Variants in LILRB2 observed in about 807,000 individuals in gnomAD.
LILRB2 encodes leukocyte immunoglobulin-like receptor subfamily B member 2.
A neutral mutation model predicts 72.7 loss-of-function variants in LILRB2; 47 were observed. That is an observed-to-expected ratio of 0.65 (90% CI 0.51 to 0.82). The LOEUF (loss-of-function observed/expected upper bound fraction) is 0.82, where lower values mean the gene tolerates loss of function less well. LILRB2 is among the 40% of genes least tolerant of loss of function. LILRB2 has a pLI of 0.00. For synonymous variants in LILRB2, 279 were observed against 313.7 expected (o/e 0.89, Z 1.17); for missense variants, 767 against 764.8 (o/e 1.00, Z -0.03).
rs2080131098 is a variant in LILRB2, at chr19:54,274,663, G to C, written c.*20C>G. 1 of 1,614,000 alleles carries C rather than the reference G, an allele frequency of 6.2e-7. No individual in the cohort carries two copies. On this transcript the variant is annotated 3_prime_UTR_variant, in exon 14 of 14. Transcript: ENST00000314446. ...CCTGAGTCTCCTTCTACTGAGTGTG[G>C]AGTCTGCGTACCCTCCGGGCTAGTG...
rs2080211915 is a variant in LILRB2, at chr19:54,276,169, C to T, written c.1594+95G>A. 31 of 1,594,290 alleles carry T rather than the reference C, an allele frequency of 1.9e-5. No homozygotes were observed. In the South Asian group the frequency reaches 3.0e-4, roughly 15 times the overall value. On this transcript the variant is annotated intron_variant, in intron 12 of 13. Transcript: ENST00000314446. The stretch of plus-strand genomic sequence containing the variant: ...GGTGAGATGATCTCACCCTGAGCCC[C>T]AGACCCTTTCCAGCCGGTGCCCCTT...
rs1478144892 is a variant in LILRB2, at chr19:54,280,268, C to G, written c.66G>C (p.Gln22His). ...GAGAGCTGGGGACAGACTCACCTGTCTGCACGCGGGTCCTGGGGCCCAGAC... is the reference window on the plus strand; with the variant it reads ...GAGAGCTGGGGACAGACTCACCTGTGTGCACGCGGGTCCTGGGGCCCAGAC... ...GLSLGPRTRV[Q>H]TGTIPKPTLW... The change falls in exon 3 of 14, where the codon CAG becomes CAC. Residue 22 changes from glutamine (Q) to histidine (H), a missense_variant. By Grantham distance (24) the Gln-to-His change is conservative (BLOSUM62 0). Transcript: ENST00000314446. The G allele has an allele frequency of 6.2e-7, 1 of 1,614,034 alleles. No individual in the cohort carries two copies. Among genetic ancestry groups the G allele is most frequent in the Non-Finnish European group, 8.5e-7 (1 of 1,179,994 alleles).
Position 54,277,951 on chromosome 19 carries a change from A to G in LILRB2, c.1259-12T>C. ...ACCCATGGAGGGTCCTGGGTGAAAG[A>G]ATGAGAGGAGGGTGAGGAGCTGGGG... On this transcript the variant is annotated splice_polypyrimidine_tract_variant and intron_variant, in intron 7 of 13. Coordinates refer to ENST00000314446, the MANE Select transcript of LILRB2 (RefSeq NM_001080978.4). 2 of 1,495,466 alleles carry G rather than the reference A, an allele frequency of 1.3e-6. No homozygotes were observed. Among genetic ancestry groups the G allele is most frequent in the African/African-American group, 2.8e-5 (2 of 70,544 alleles). 92.6% of individuals were successfully genotyped at this position (1,495,466 alleles called of 1,614,324 possible).
In LILRB2 at chr19:54,279,950, A is replaced by T. The variant is rs2080471827; in HGVS notation, c.196T>A (p.Ser66Thr). The T allele has an allele frequency of 1.9e-6, 3 of 1,613,816 alleles. No homozygotes were observed. The highest frequency in any genetic ancestry group is 2.5e-6 in the Non-Finnish European group (3 of 1,179,946). The change falls in exon 4 of 14, where the codon TCA becomes ACA. Residue 66 changes from serine (S) to threonine (T), a missense_variant. By Grantham distance (58) the Ser-to-Thr change is moderately conservative (BLOSUM62 1). Around this residue, in one of 3 missense-constraint regions of LILRB2, gnomAD observed 599 missense variants for 568.2 expected, o/e 1.05. Transcript: ENST00000314446. ...QEYRLYREKKSASWITRIRPE... is the reference protein window; with the variant it reads ...QEYRLYREKKTASWITRIRPE... ...CGTATCCGTGTAATCCAAGATGCTG[A>T]TTTTTTCTCCCTATATAGACGGTAC...
Position 54,280,083 on chromosome 19 carries a change from G to A in LILRB2, c.71-8C>T, listed in dbSNP as rs769697440. On this transcript the variant is annotated splice_region_variant and splice_polypyrimidine_tract_variant and intron_variant, in intron 3 of 13. Coordinates refer to ENST00000314446, the MANE Select transcript of LILRB2 (RefSeq NM_001080978.4). ...TGGGCTTGGGGATGGTCCCTGGAAG[G>A]AAATCAAAGGTCAGATTCGAAGTCA... The A allele has an allele frequency of 5.6e-6, 9 of 1,613,332 alleles. No homozygotes were observed. Among genetic ancestry groups the A allele is most frequent in the Non-Finnish European group, 7.6e-6 (9 of 1,179,576 alleles).
Position 54,274,704 on chromosome 19 carries a change from G to A in LILRB2, c.1773C>T (p.Tyr591=), listed in dbSNP as rs756088691. ...EREPPAEPSI[Y]ATLAIH ...CGGGCTAGTGGATGGCCAGGGTGGC[G>A]TAGATGCTGGGCTCAGCTGGAGGTT... Residue 591 remains tyrosine (Y), a synonymous_variant, in exon 14 of 14, where the codon TAC becomes TAT. Transcript: ENST00000314446. 7.4e-6 allele frequency: 12 copies of A among 1,613,888 alleles called. No homozygotes were observed. In the African/African-American group the frequency reaches 8.0e-5, roughly 11 times the overall value.
intron 10 of LILRB2, 145 bp downstream of exon 10, chr19:54,276,662 G>T: frequency 6.8e-7 from 1 of 1,473,452 alleles, no homozygotes; most frequent in South Asian, 1.3e-5. Context: ...AGATGGGACT[G>T]ACGTTAAGTG....
At chr19:54,277,671 A>G in intron 8 of LILRB2, 74 bp from the exon 9 acceptor site, 1 of 1,511,454 alleles carries the variant, frequency 6.6e-7, no homozygotes. Flanking sequence ...CTCCTCCCCC[A>G]GGCTGGGCCC....
chr19:54,275,160 C>T, intron 13 of LILRB2: 1 of 1,494,092 alleles, frequency 6.7e-7, no homozygotes, highest in South Asian at 1.3e-5. Context: ...CGATTACATC[C>T]CTTTCCCGAT....
chr19:54,277,692 C>G, intron 8 of LILRB2, 95 bp from the exon 9 acceptor site: 1 of 1,439,994 alleles, frequency 6.9e-7, no homozygotes, highest in Non-Finnish European at 9.4e-7. Context: ...CAACATTTCT[C>G]TCTGCCTTGA....
Position 54,277,476 on chromosome 19 carries a change from C to A in LILRB2, c.1357+74G>T, listed in dbSNP as rs781600193. ...GTCTACATCACCACCTCCAGAGGAG[C>A]CTGAACCTAGGACAGAACCCACCCC... On this transcript the variant is annotated intron_variant, in intron 9 of 13. Coordinates refer to ENST00000314446, the MANE Select transcript of LILRB2 (RefSeq NM_001080978.4). The A allele has an allele frequency of 1.1e-4, 168 of 1,542,016 alleles. No homozygotes were observed. In the East Asian group the frequency reaches 1.2e-3, roughly 11 times the overall value.
rs1396257066 is a variant in LILRB2 at position 54,278,447 on chromosome 19, G to C, written c.1071C>G (p.Thr357=). The C allele has an allele frequency of 6.2e-7, 1 of 1,614,154 alleles. No homozygotes were observed. The highest frequency in any genetic ancestry group is 1.7e-5 in the Admixed American group (1 of 60,030). ...GTGGGGCATCAGCTGCTCCCGCCTT[G>C]GTCAGAAGGAAAGTGTGGAACTGCC... ...SWRQFHTFLL[T]KAGAADAPLR... Residue 357 remains threonine (T), a synonymous_variant, in exon 7 of 14, where the codon ACC becomes ACG. Transcript: ENST00000314446.
intron 13 of LILRB2, chr19:54,275,556 G>A (rs1321124472): frequency 1.9e-6 from 1 of 517,396 alleles, no homozygotes; most frequent in East Asian, 5.4e-5. Context: ...CAGGAGGCGG[G>A]GGCGGCTTTG....
chr19:54,280,766 C>T lies in LILRB2; in HGVS notation c.-49+195G>A, dbSNP rs188025641. 3.4e-3 allele frequency: 2,627 copies of T among 777,524 alleles called. 6 individuals carry two copies. Among genetic ancestry groups the T allele is most frequent in the Admixed American group, 4.3e-3 (189 of 43,928 alleles). 48.2% of individuals were successfully genotyped at this position (777,524 alleles called of 1,614,324 possible). On this transcript the variant is annotated intron_variant, in intron 1 of 13. Transcript: ENST00000314446. ...CAGACTGTAATGGGGTCTTTCCTGACCCCCAGCCACTGTCTGTCTGGTTTC... is the reference window on the plus strand; with the variant it reads ...CAGACTGTAATGGGGTCTTTCCTGATCCCCAGCCACTGTCTGTCTGGTTTC...
Position 54,278,355 on chromosome 19 carries a change from G to A in LILRB2, c.1163C>T (p.Ser388Leu), listed in dbSNP as rs746143667. ...QAEFPMSPVT[S>L]AHAGTYRCYG... is the part of the protein sequence containing the mutation. ...GCACCTGTAGGTCCCCGCGTGGGCT[G>A]AGGTCACAGGACTCATGGGGAATTC... The change falls in exon 7 of 14, where the codon TCA (serine) becomes TTA (leucine). Residue 388 changes from serine to leucine, a missense_variant. By Grantham distance (145) the Ser-to-Leu change is moderately radical. Around this residue, in one of 3 missense-constraint regions of LILRB2, gnomAD observed 599 missense variants for 568.2 expected, o/e 1.05. Transcript: ENST00000314446. The A allele has an allele frequency of 1.7e-5, 28 of 1,614,106 alleles. No individual in the cohort carries two copies. The highest frequency in any genetic ancestry group is 7.7e-5 in the South Asian group (7 of 91,092).
At position 54,274,653 on chromosome 19, in the gene LILRB2, A is replaced by G. The variant is rs149882635; in HGVS notation, c.*30T>C. On this transcript the variant is annotated 3_prime_UTR_variant, in exon 14 of 14. Coordinates refer to ENST00000314446, the MANE Select transcript of LILRB2 (RefSeq NM_001080978.4). The stretch of plus-strand genomic sequence containing the variant: ...CTTCAGCAGTCCTGAGTCTCCTTCT[A>G]CTGAGTGTGGAGTCTGCGTACCCTC... The G allele has an allele frequency of 3.7e-3, 6,025 of 1,609,020 alleles. 252 individuals carry two copies. The South Asian group carries it at 0.048, about 13-fold the overall frequency.
chr19:54,276,879 G>C lies in LILRB2; in HGVS notation c.1408C>G (p.Leu470Val), dbSNP rs368141237. ...VVIGILVAVV[L>V]LLLLLLLLFL... ...AGGAGGAGGAGGAGGAGGAGCAGTAGGACGACGGCCACCAAGATGCCGATC... is the reference window on the plus strand; with the variant it reads ...AGGAGGAGGAGGAGGAGGAGCAGTACGACGACGGCCACCAAGATGCCGATC... The change falls in exon 10 of 14, where the codon CTA becomes GTA. Residue 470 changes from leucine (L) to valine (V), a missense_variant. Leu to Val is a conservative substitution (Grantham distance 32). Transcript: ENST00000314446. 3.4e-5 allele frequency: 55 copies of C among 1,613,844 alleles called. No homozygotes were observed. Among genetic ancestry groups the C allele is most frequent in the Non-Finnish European group, 4.2e-5 (49 of 1,179,954 alleles).
rs1435051487 is a variant in LILRB2, at chr19:54,276,988, T to G, written c.1358-59A>C. 51 of 1,557,222 alleles carry G rather than the reference T, an allele frequency of 3.3e-5. No individual in the cohort carries two copies. In the South Asian group the frequency reaches 6.1e-4, roughly 19 times the overall value. ...GTCATTGAAATGAGCGCCTACTGTG[T>G]GCAGGTGACTGCTGGACCTTCTGTT... On this transcript the variant is annotated intron_variant, in intron 9 of 13. Transcript: ENST00000314446.
chr19:54,280,197 C>G, intron 3 of LILRB2, 67 bp downstream of exon 3: 1 of 1,613,066 alleles, frequency 6.2e-7, no homozygotes, highest in Non-Finnish European at 8.5e-7. Flanking sequence ...CCATCCCCAG[C>G]TGCACGGAGG....
Sources: gnomAD v4.1 joint callset for allele counts on GRCh38, gnomAD v4.1.1 for gene constraint, gnomAD v4.1.1 regional missense constraint, MANE v1.5 for transcripts, NCBI Gene and HGNC (gene_info 2026-07-23, HGNC 2026-07-21) for gene names.